The following TTLL5 variants were observed in gnomAD, a reference collection of about 807,000 sequenced individuals.
TTLL5 encodes the protein tubulin polyglutamylase TTLL5.
In TTLL5, 132 loss-of-function variants were observed where a neutral mutation model predicts 168.4. The ratio of observed to expected loss-of-function variants is 0.78; its 90% CI spans 0.68 to 0.91. The LOEUF (loss-of-function observed/expected upper bound fraction) is 0.91, where lower values mean the gene tolerates loss of function less well. Ranked by LOEUF, TTLL5 falls within the 40% of genes least tolerant of loss-of-function variation. TTLL5 has a pLI of 0.00. For synonymous variants in TTLL5, 546 were observed against 558.6 expected (o/e 0.98, Z 0.32); for missense variants, 1,545 against 1,581.5 (o/e 0.98, Z 0.39).
intron 5 of TTLL5, chr14:75,684,783 T>A (rs1228188597): frequency 1.3e-5 from 2 of 152,118 alleles, no homozygotes; most frequent in Non-Finnish European, 2.9e-5. Context: ...TTGTGGGAAA[T>A]GAAAGAATTA....
Position 75,902,160 on chromosome 14 carries a change from G to A in TTLL5, c.3759G>A (p.Gly1253=). Residue 1253 remains glycine, a synonymous_variant, in exon 31 of 32, where the codon GGG becomes GGA. Coordinates refer to ENST00000298832, the MANE Select transcript of TTLL5 (RefSeq NM_015072.5). ...QKASKGSSAE[G]QLNGLQSSLN... ...GTTTCAGAGGGTCCTCCGCGGAAGG[G>A]CAGCTGAATGGACTCCAGAGCAGCC... The A allele has an allele frequency of 2.5e-6, 4 of 1,614,144 alleles. No homozygotes were observed. The highest frequency in any genetic ancestry group is 1.1e-5 in the South Asian group (1 of 91,080).
intron 31 of TTLL5, among the ~76,000 whole-genome samples, chr14:75,945,036 A>G (rs184611384): frequency 6.6e-6 from 1 of 152,090 alleles, no homozygotes; most frequent in Non-Finnish European, 1.5e-5. Context: ...CTCCAAGGGA[A>G]AAACCAGGGG....
intron 17 of TTLL5, among the ~76,000 whole-genome samples, chr14:75,752,206 C>T (rs1889996365): frequency 6.6e-6 from 1 of 152,174 alleles, no homozygotes; most frequent in African/African-American, 2.4e-5. Context: ...CTTAGAATTC[C>T]TAACCATCTG....
intron 26 of TTLL5, 152 bp downstream of exon 26, chr14:75,783,682 T>G (rs1234968164): frequency 3.7e-6 from 4 of 1,086,716 alleles, no homozygotes; most frequent in Non-Finnish European, 5.1e-6. Flanking sequence ...AGAAGACTTT[T>G]GCATTGCATC....
At chr14:75,833,894 G>A (rs1480468419) in intron 28 of TTLL5, among the ~76,000 whole-genome samples, 1 of 152,126 alleles carries the variant, frequency 6.6e-6, no homozygotes, top group East Asian at 1.9e-4. Context: ...TCCTCAAAGG[G>A]TTATTTGTTT....
intron 24 of TTLL5, among the ~76,000 whole-genome samples, chr14:75,781,863 G>A (rs1892072046): frequency 1.3e-5 from 2 of 150,526 alleles, no homozygotes; most frequent in South Asian, 4.2e-4. Context: ...GGCTGAGGCA[G>A]GAGAATCGCT....
chr14:75,846,562 G>A lies in TTLL5; in HGVS notation c.3327-17105G>A, dbSNP rs578011048. Among the ~76,000 whole-genome samples the A allele has an allele frequency of 3.2e-3, 491 of 152,198 alleles. 2 individuals carry two copies. The highest frequency in any genetic ancestry group is 5.2e-3 in the Non-Finnish European group (355 of 68,002). The stretch of plus-strand genomic sequence containing the variant: ...TCCTAGCACTTTGGGAGGCCGAGGC[G>A]GGCGGATCACCTGAGATCGGGAGTT... On this transcript the variant is annotated intron_variant, in intron 28 of 31. Coordinates refer to ENST00000298832, the MANE Select transcript of TTLL5 (RefSeq NM_015072.5).
At chr14:75,749,529 G>A (rs1439480687) in intron 17 of TTLL5, among the ~76,000 whole-genome samples, 1 of 148,094 alleles carries the variant, frequency 6.8e-6, no homozygotes, top group Non-Finnish European at 1.5e-5. Flanking sequence ...AAGCAAGGTT[G>A]GTCTGAGCCA....
At chr14:75,847,045 A>G (rs1896586706) in intron 28 of TTLL5, among the ~76,000 whole-genome samples, 1 of 152,028 alleles carries the variant, frequency 6.6e-6, no homozygotes, top group Admixed American at 6.5e-5. Context: ...TCTGTCGCCC[A>G]GGCTGCAGTA....
intron 28 of TTLL5, among the ~76,000 whole-genome samples, chr14:75,851,048 G>A (rs1242250160): frequency 3.1e-5 from 4 of 130,794 alleles, no homozygotes; most frequent in African/African-American, 1.2e-4. Context: ...AGTGAGCCAC[G>A]ATTGTACCAC....
intron 13 of TTLL5, among the ~76,000 whole-genome samples, chr14:75,733,164 A>C (rs1279841871): frequency 6.6e-6 from 1 of 152,250 alleles, no homozygotes; most frequent in Non-Finnish European, 1.5e-5. Flanking sequence ...CCTCCATAGT[A>C]AGGTGTAGAG....
chr14:75,782,677 C>T (rs1892127489), intron 25 of TTLL5, 104 bp downstream of exon 25: 1 of 905,608 alleles, frequency 1.1e-6, no homozygotes, highest in Non-Finnish European at 1.6e-6. Context: ...GGAACATTAC[C>T]CCAAAGAAAT....
intron 6 of TTLL5, among the ~76,000 whole-genome samples, chr14:75,698,820 G>A (rs1224451902): frequency 6.6e-6 from 1 of 151,842 alleles, no homozygotes; most frequent in African/African-American, 2.4e-5. Flanking sequence ...TGGGAGGACT[G>A]TTTGAGCCCC....
At chr14:75,857,903 G>A (rs916328986) in intron 28 of TTLL5, among the ~76,000 whole-genome samples, 8 of 151,878 alleles carry the variant, frequency 5.3e-5, no homozygotes, top group East Asian at 1.9e-4. Flanking sequence ...CGCCCACCTC[G>A]ACCTCCCAAA....
intron 31 of TTLL5, 49 bp downstream of exon 31, chr14:75,902,273 G>A: frequency 6.3e-7 from 1 of 1,588,004 alleles, no homozygotes; most frequent in South Asian, 1.1e-5. Flanking sequence ...CAGGGAAGGT[G>A]TTGGGCTTGG....
At chr14:75,741,636 C>T (rs1325988876) in intron 15 of TTLL5, among the ~76,000 whole-genome samples, 1 of 151,042 alleles carries the variant, frequency 6.6e-6, no homozygotes, top group Non-Finnish European at 1.5e-5. Flanking sequence ...TTCTTCTTCC[C>T]TTCTCTCTTT....
chr14:75,771,683 G>T (rs1223319290), intron 20 of TTLL5, 51 bp from the exon 21 acceptor site: 1 of 1,608,268 alleles, frequency 6.2e-7, no homozygotes, highest in Admixed American at 1.7e-5. Context: ...TACACATTTT[G>T]TAGTTTTACA....
intron 5 of TTLL5, among the ~76,000 whole-genome samples, chr14:75,688,052 C>T (rs940696639): frequency 2.2e-4 from 33 of 152,108 alleles, no homozygotes; most frequent in African/African-American, 8.0e-4. Context: ...CCTCGTGTTT[C>T]CTGACATATA....
chr14:75,708,739 G>A (rs546999655), intron 9 of TTLL5, among the ~76,000 whole-genome samples: 4 of 152,226 alleles, frequency 2.6e-5, no homozygotes, highest in Non-Finnish European at 5.9e-5. Context: ...AATTGTTTTT[G>A]TAAACCCTTT....
Sources: allele counts gnomAD v4.1 joint callset (sites outside exome capture counted in the v4.1 genomes callset), GRCh38; gene constraint gnomAD v4.1.1; transcripts MANE v1.5; gene names NCBI Gene and HGNC (gene_info 2026-07-23, HGNC 2026-07-21).